Variants in PTPRC observed in about 807,000 individuals in gnomAD.
PTPRC encodes receptor-type tyrosine-protein phosphatase C.
In PTPRC, 44 loss-of-function variants were observed where a neutral mutation model predicts 155.9. The observed-to-expected ratio is 0.28, with a 90% CI of 0.22 to 0.36. The LOEUF (loss-of-function observed/expected upper bound fraction) is 0.36, where lower values mean the gene tolerates loss of function less well. Ranked by LOEUF, PTPRC falls within the 10% of genes least tolerant of loss-of-function variation. The probability of loss-of-function intolerance (pLI) is 1.00; values close to 1 mark genes in which losing one functional copy is unlikely to be tolerated. For missense variants in PTPRC, 1,401 were observed against 1,564.6 expected, an observed-to-expected ratio of 0.90 and a Z score of 1.76; for synonymous variants, 525 against 533.1, an observed-to-expected ratio of 0.98 and a Z score of 0.21.
intron 23 of PTPRC, among the ~76,000 whole-genome samples, chr1:198,736,133 T>A (rs1369216365): frequency 6.6e-6 from 1 of 151,542 alleles, no homozygotes; most frequent in Non-Finnish European, 1.5e-5. Flanking sequence ...AACAATCACA[T>A]CAGGGTAAAT....
intron 2 of PTPRC, among the ~76,000 whole-genome samples, chr1:198,690,742 T>C (rs1665880413): frequency 6.6e-6 from 1 of 152,070 alleles, no homozygotes. Flanking sequence ...CTAATTCACT[T>C]TCCCATCTGA....
At chr1:198,716,396 A>G (rs1341102759) in intron 12 of PTPRC, among the ~76,000 whole-genome samples, 1 of 152,250 alleles carries the variant, frequency 6.6e-6, no homozygotes, top group East Asian at 1.9e-4. Flanking sequence ...AACAAAAGAG[A>G]TCGTCTTCAC....
chr1:198,755,185 C>G (rs1231129884), intron 32 of PTPRC, among the ~76,000 whole-genome samples: 2 of 152,064 alleles, frequency 1.3e-5, no homozygotes, highest in East Asian at 3.9e-4. Flanking sequence ...CCTGCAAATT[C>G]ACATTGCAAA....
At chr1:198,690,380 A>G (rs1410514016) in intron 2 of PTPRC, among the ~76,000 whole-genome samples, 4 of 152,138 alleles carry the variant, frequency 2.6e-5, no homozygotes, top group Non-Finnish European at 4.4e-5. Context: ...GAACATAAAC[A>G]TAACAATAGT....
At chr1:198,695,559 T>TA (rs1307282319) in intron 3 of PTPRC, among the ~76,000 whole-genome samples, 3 of 151,968 alleles carry the variant, frequency 2.0e-5, no homozygotes, top group African/African-American at 4.8e-5. Flanking sequence ...AAAAGAGCAT[T>TA]AAAAAAACTT....
rs1453008527 is a variant in PTPRC at position 198,757,474 on chromosome 1, G to T, written c.*1293G>T. The T allele has an allele frequency of 1.3e-5, 2 of 151,484 alleles. No individual in the cohort carries two copies. The highest frequency in any genetic ancestry group is 1.3e-4 in the Admixed American group (2 of 15,182). The allele number at this position is 151,484 out of a possible 1,614,324, so 9.4% of individuals were successfully genotyped here. A position where few individuals can be genotyped will look rare whatever the true frequency, so the allele number is the denominator to read the frequency against. ...TGAAGTAATAAAAACTCGTTTTGGTGAATTCTGTAATAGCTTATCATGAAG... is the reference window on the plus strand; with the variant it reads ...TGAAGTAATAAAAACTCGTTTTGGTTAATTCTGTAATAGCTTATCATGAAG... On this transcript the variant is annotated 3_prime_UTR_variant, in exon 33 of 33. Coordinates refer to ENST00000442510, the MANE Select transcript of PTPRC (RefSeq NM_002838.5).
At chr1:198,643,592 C>T (rs1363238302) in intron 2 of PTPRC, among the ~76,000 whole-genome samples, 1 of 151,800 alleles carries the variant, frequency 6.6e-6, no homozygotes, top group Non-Finnish European at 1.5e-5. Flanking sequence ...CTCCTTATCT[C>T]ACCTCTCGTC....
chr1:198,706,197 C>G (rs557184972), intron 8 of PTPRC, among the ~76,000 whole-genome samples: 2 of 152,128 alleles, frequency 1.3e-5, no homozygotes, highest in Non-Finnish European at 2.9e-5. Flanking sequence ...AACAAAGGTG[C>G]TTTGGAGGTA....
At chr1:198,681,930 C>T (rs2102333561) in intron 2 of PTPRC, among the ~76,000 whole-genome samples, 1 of 152,282 alleles carries the variant, frequency 6.6e-6, no homozygotes, top group East Asian at 1.9e-4. Flanking sequence ...GGTTTTAACC[C>T]CGAGATAGGG....
chr1:198,723,216 T>C (rs942120048), intron 15 of PTPRC, among the ~76,000 whole-genome samples: 8 of 151,852 alleles, frequency 5.3e-5, no homozygotes, highest in Admixed American at 4.6e-4. Context: ...CCTAGTACTC[T>C]ACTTTGGGCT....
At chr1:198,676,865 T>C (rs1452194657) in intron 2 of PTPRC, among the ~76,000 whole-genome samples, 2 of 152,202 alleles carry the variant, frequency 1.3e-5, no homozygotes, top group Non-Finnish European at 2.9e-5. Flanking sequence ...ATAAGTTGCA[T>C]GATCATAGAA....
At chr1:198,748,087 C>CTTT in intron 26 of PTPRC, 22 bp from the exon 27 acceptor site, 5 of 1,313,860 alleles carry the variant, frequency 3.8e-6, no homozygotes, top group East Asian at 2.6e-5. Flanking sequence ...AGGAGTTTTT[C>CTTT]TGTTTTTTTT....
At chr1:198,721,868 C>T (rs1048130621) in intron 14 of PTPRC, among the ~76,000 whole-genome samples, 5 of 151,260 alleles carry the variant, frequency 3.3e-5, no homozygotes, top group African/African-American at 1.2e-4. Context: ...AGGATTCTTA[C>T]TGCTCTTTTG....
At chr1:198,728,524 G>A in intron 16 of PTPRC, 76 bp downstream of exon 16, 1 of 1,540,752 alleles carries the variant, frequency 6.5e-7, no homozygotes, top group Non-Finnish European at 8.8e-7. Context: ...TGGCAGTGAT[G>A]GAACCAGTTA....
intron 2 of PTPRC, among the ~76,000 whole-genome samples, chr1:198,666,226 G>A (rs1370540321): frequency 7.3e-6 from 1 of 137,778 alleles, no homozygotes; most frequent in Non-Finnish European, 1.5e-5. Flanking sequence ...GGGCAACAGA[G>A]CAAGACCCTG....
At chr1:198,754,465 T>G in intron 32 of PTPRC, 61 bp downstream of exon 32, 1 of 1,579,178 alleles carries the variant, frequency 6.3e-7, no homozygotes, top group Non-Finnish European at 8.7e-7. Flanking sequence ...TTTTGACGGT[T>G]TCCTTTTTTC....
intron 2 of PTPRC, among the ~76,000 whole-genome samples, chr1:198,678,498 C>T (rs1420131615): frequency 1.3e-5 from 2 of 152,164 alleles, no homozygotes; most frequent in Non-Finnish European, 1.5e-5. Context: ...GCACTGCTGC[C>T]GGTCTAGATG....
chr1:198,641,880 A>G (rs914189485), intron 2 of PTPRC, among the ~76,000 whole-genome samples: 4 of 152,206 alleles, frequency 2.6e-5, no homozygotes, highest in African/African-American at 9.6e-5. Flanking sequence ...TATTAAAAAT[A>G]TATATCTCAT....
intron 22 of PTPRC, among the ~76,000 whole-genome samples, chr1:198,734,828 A>T (rs1654552399): frequency 6.6e-6 from 1 of 151,700 alleles, no homozygotes; most frequent in African/African-American, 2.4e-5. Context: ...CCTACCTAAA[A>T]TTAACCACAA....
Sources: allele counts gnomAD v4.1 joint callset (sites outside exome capture counted in the v4.1 genomes callset), GRCh38; gene constraint gnomAD v4.1.1; transcripts MANE v1.5; gene names NCBI Gene and HGNC (gene_info 2026-07-23, HGNC 2026-07-21).